Variants in FOXN3 observed in about 807,000 individuals in gnomAD.
The protein encoded by FOXN3 is forkhead box N3.
FOXN3 carries 7 observed loss-of-function variants against 38.4 expected under a neutral mutation model. The ratio of observed to expected loss-of-function variants is 0.18; its 90% CI spans 0.10 to 0.34. The LOEUF (loss-of-function observed/expected upper bound fraction) is 0.34, where lower values mean the gene tolerates loss of function less well. Ranked by LOEUF, FOXN3 falls within the 10% of genes least tolerant of loss-of-function variation. FOXN3 has a pLI of 1.00. For synonymous variants in FOXN3, 230 were observed against 242.2 expected, an observed-to-expected ratio of 0.95 and a Z score of 0.47; for missense variants, 456 against 613.4, an observed-to-expected ratio of 0.74 and a Z score of 2.71.
chr14:89,394,576 A>G (rs1409255494), intron 2 of FOXN3, among the ~76,000 whole-genome samples: 1 of 152,194 alleles, frequency 6.6e-6, no homozygotes, highest in Non-Finnish European at 1.5e-5. Flanking sequence ...AAGCTTTTTG[A>G]TAAAGAAAAT....
chr14:89,219,482 T>C (rs1884386075), intron 4 of FOXN3, among the ~76,000 whole-genome samples: 1 of 152,208 alleles, frequency 6.6e-6, no homozygotes, highest in Admixed American at 6.5e-5. Context: ...TGTTTGCACA[T>C]GTGTTCCCAT....
intron 4 of FOXN3, among the ~76,000 whole-genome samples, chr14:89,239,723 A>T (rs187551631): frequency 2.1e-4 from 32 of 152,354 alleles, no homozygotes; most frequent in African/African-American, 7.0e-4. Context: ...GATGATAATA[A>T]CAGTCATATC....
intron 3 of FOXN3, among the ~76,000 whole-genome samples, chr14:89,310,592 A>G (rs1481786814): frequency 6.6e-6 from 1 of 152,226 alleles, no homozygotes; most frequent in African/African-American, 2.4e-5. Context: ...ACTGCCTTTA[A>G]CAAAAGGGTC....
intron 4 of FOXN3, among the ~76,000 whole-genome samples, chr14:89,233,794 C>CATCTTGGGA (rs1884892676): frequency 1.4e-4 from 21 of 152,220 alleles, no homozygotes; most frequent in Admixed American, 1.4e-3. Context: ...CCAAGATACT[C>CATCTTGGGA]CCTGGGATAG....
intron 1 of FOXN3, among the ~76,000 whole-genome samples, chr14:89,423,658 C>T (rs1471584991): frequency 1.3e-5 from 2 of 152,110 alleles, no homozygotes; most frequent in African/African-American, 4.8e-5. Flanking sequence ...TGAAAAGACG[C>T]TCAAAACTGT....
intron 1 of FOXN3, among the ~76,000 whole-genome samples, chr14:89,432,619 C>T (rs952648824): frequency 1.2e-4 from 19 of 152,154 alleles, no homozygotes; most frequent in African/African-American, 4.3e-4. Context: ...TAAAGATCCC[C>T]ATGTCCCTCT....
At chr14:89,167,778 C>T (rs1299039513) in intron 5 of FOXN3, among the ~76,000 whole-genome samples, 3 of 152,144 alleles carry the variant, frequency 2.0e-5, no homozygotes, top group Non-Finnish European at 4.4e-5. Context: ...TTTAAAGTAA[C>T]CTGCAGTGTG....
intron 4 of FOXN3, among the ~76,000 whole-genome samples, chr14:89,220,563 T>C (rs1213528051): frequency 6.6e-6 from 1 of 152,166 alleles, no homozygotes; most frequent in Non-Finnish European, 1.5e-5. Flanking sequence ...ACCTACTTCA[T>C]ACTACCTACT....
At chr14:89,515,317 C>T (rs546652358) in intron 1 of FOXN3, among the ~76,000 whole-genome samples, 3 of 152,156 alleles carry the variant, frequency 2.0e-5, no homozygotes, top group Non-Finnish European at 4.4e-5. Context: ...TAAGATAAGG[C>T]CACCATTGTC....
intron 4 of FOXN3, among the ~76,000 whole-genome samples, chr14:89,198,157 T>A (rs967078352): frequency 6.6e-6 from 1 of 152,182 alleles, no homozygotes; most frequent in Non-Finnish European, 1.5e-5. Context: ...TACTATGTAG[T>A]GAGATGATGG....
At chr14:89,238,976 G>T (rs948652904) in intron 4 of FOXN3, among the ~76,000 whole-genome samples, 1 of 152,132 alleles carries the variant, frequency 6.6e-6, no homozygotes, top group African/African-American at 2.4e-5. Context: ...CATTCACCCA[G>T]CTATAGCACA....
chr14:89,415,885 CTCT>C (rs1891698466), intron 1 of FOXN3, among the ~76,000 whole-genome samples: 1 of 145,238 alleles, frequency 6.9e-6, no homozygotes, highest in South Asian at 2.2e-4. Context: ...CACACACACC[CTCT>C]TTTGTTTTTT....
upstream of FOXN3, among the ~76,000 whole-genome samples, chr14:89,418,759 G>A (rs1891826771): frequency 1.8e-5 from 2 of 111,284 alleles, no homozygotes; most frequent in South Asian, 4.0e-4. Flanking sequence ...TGTGTACCCT[G>A]CTTTCCTGTA....
chr14:89,457,425 A>G (rs562092920), intron 1 of FOXN3, among the ~76,000 whole-genome samples: 1 of 152,292 alleles, frequency 6.6e-6, no homozygotes, highest in Admixed American at 6.5e-5. Context: ...CAAGCATGGA[A>G]CCCGGAGCCT....
At chr14:89,337,008 T>G (rs1485927055) in intron 3 of FOXN3, among the ~76,000 whole-genome samples, 1 of 151,906 alleles carries the variant, frequency 6.6e-6, no homozygotes, top group East Asian at 1.9e-4. Flanking sequence ...TCCATTGGAG[T>G]CACCGTATGT....
intron 1 of FOXN3, among the ~76,000 whole-genome samples, chr14:89,517,312 G>A (rs532017976): frequency 5.0e-4 from 72 of 143,714 alleles, no homozygotes; most frequent in Middle Eastern, 3.7e-3. Flanking sequence ...GCAGTGAGCC[G>A]AGATCACACT....
At chr14:89,364,861 G>C (rs1029546774) in intron 2 of FOXN3, among the ~76,000 whole-genome samples, 2 of 152,192 alleles carry the variant, frequency 1.3e-5, no homozygotes, top group Admixed American at 1.3e-4. Context: ...TTAGGCCCAT[G>C]GGTAGAATTG....
At chr14:89,314,471 C>T (rs1887665157) in intron 3 of FOXN3, among the ~76,000 whole-genome samples, 1 of 152,178 alleles carries the variant, frequency 6.6e-6, no homozygotes, top group Non-Finnish European at 1.5e-5. Context: ...ACCAAAAGAA[C>T]TTAAATGACA....
chr14:89,223,673 T>C (rs1884541012), intron 4 of FOXN3, among the ~76,000 whole-genome samples: 1 of 152,152 alleles, frequency 6.6e-6, no homozygotes. Context: ...GGGTGAGAGG[T>C]GGGCCGGGTG....
Sources: allele counts gnomAD v4.1 joint callset (sites outside exome capture counted in the v4.1 genomes callset), GRCh38; gene constraint gnomAD v4.1.1; transcripts MANE v1.5; gene names NCBI Gene and HGNC (gene_info 2026-07-23, HGNC 2026-07-21).